TENM4: variants seen among roughly 807,000 people sequenced by gnomAD.
TENM4 encodes teneurin-4.
A neutral mutation model predicts 243.3 loss-of-function variants in TENM4; 82 were observed. That is an observed-to-expected ratio of 0.34 (90% confidence interval 0.28 to 0.40). TENM4 has a LOEUF of 0.40. Among genes scored for constraint, TENM4 ranks in the 10% least tolerant of loss-of-function variants. The pLI, the probability that TENM4 is intolerant of heterozygous loss-of-function variation, is 1.00. For missense variants in TENM4, 3,138 were observed against 3,673.3 expected, an observed-to-expected ratio of 0.85 and a Z score of 3.77; for synonymous variants, 1,412 against 1,456.3, an observed-to-expected ratio of 0.97 and a Z score of 0.69.
At chr11:78,748,844 G>T (rs942365333) in intron 19 of TENM4, among the ~76,000 whole-genome samples, 2 of 152,142 alleles carry the variant, frequency 1.3e-5, no homozygotes, top group African/African-American at 4.8e-5. Context: ...CAGACATCGG[G>T]CTTCTGGGTA....
intron 2 of TENM4, among the ~76,000 whole-genome samples, chr11:79,284,541 A>T (rs1209843950): frequency 6.6e-6 from 1 of 152,228 alleles, no homozygotes; most frequent in Non-Finnish European, 1.5e-5. Context: ...ACAAAATACA[A>T]GGATTAACTC....
chr11:79,112,783 C>G (rs1861534302), intron 4 of TENM4, among the ~76,000 whole-genome samples: 1 of 152,134 alleles, frequency 6.6e-6, no homozygotes, highest in Non-Finnish European at 1.5e-5. Flanking sequence ...CTCCAAGGAT[C>G]CCACTATGGT....
chr11:79,383,609 G>T (rs11823269), intron 1 of TENM4, among the ~76,000 whole-genome samples: 2,252 of 152,260 alleles, frequency 0.015, 51 homozygotes, highest in African/African-American at 0.051. Context: ...GCCAGGTGTG[G>T]GTGCTGGAGA....
At chr11:79,408,395 T>C (rs924275101) in intron 1 of TENM4, among the ~76,000 whole-genome samples, 1 of 152,246 alleles carries the variant, frequency 6.6e-6, no homozygotes, top group Non-Finnish European at 1.5e-5. Context: ...GCTTTAGAAT[T>C]AGACAGACTT....
chr11:78,840,115 C>T (rs1858219662), intron 12 of TENM4, among the ~76,000 whole-genome samples: 1 of 152,210 alleles, frequency 6.6e-6, no homozygotes, highest in Admixed American at 6.5e-5. Flanking sequence ...CTTCCTCCAT[C>T]ACTTAAAAGA....
chr11:78,816,183 G>A (rs1857601441), intron 12 of TENM4, among the ~76,000 whole-genome samples: 1 of 152,322 alleles, frequency 6.6e-6, no homozygotes, highest in Admixed American at 6.5e-5. Flanking sequence ...AAAGAAACTA[G>A]CCCTGGCCTT....
At chr11:79,367,893 G>T (rs527575457) in intron 1 of TENM4, among the ~76,000 whole-genome samples, 1 of 152,180 alleles carries the variant, frequency 6.6e-6, no homozygotes, top group Non-Finnish European at 1.5e-5. Context: ...TTATTTCTGA[G>T]GATCAAGAGT....
intron 29 of TENM4, among the ~76,000 whole-genome samples, chr11:78,687,798 G>A (rs1858722608): frequency 6.6e-6 from 1 of 152,140 alleles, no homozygotes; most frequent in Non-Finnish European, 1.5e-5. Flanking sequence ...AGGTCACCTG[G>A]ATTAGCAGCT....
In TENM4 at chr11:78,654,633, G is replaced by C. The variant is rs1857846533; in HGVS notation, c.*3425C>G. 1 of 152,124 alleles carries C rather than the reference G, an allele frequency of 6.6e-6. No homozygotes were observed. Among genetic ancestry groups the C allele is most frequent in the African/African-American group, 2.4e-5 (1 of 41,406 alleles). 9.4% of individuals were successfully genotyped at this position (152,124 alleles called of 1,614,324 possible). On this transcript the variant is annotated 3_prime_UTR_variant, in exon 34 of 34. Transcript: ENST00000278550. ...TCTCACCCTCAGTCAGTTTCTTAGGGATCGTTTCCAATCCTCTCTCCCTAA... is the reference window on the plus strand; with the variant it reads ...TCTCACCCTCAGTCAGTTTCTTAGGCATCGTTTCCAATCCTCTCTCCCTAA...
At chr11:79,202,244 T>C (rs2135192822) in intron 3 of TENM4, among the ~76,000 whole-genome samples, 1 of 152,328 alleles carries the variant, frequency 6.6e-6, no homozygotes, top group East Asian at 1.9e-4. Context: ...TGAGGGACTT[T>C]TCCCCTTCCA....
intron 19 of TENM4, among the ~76,000 whole-genome samples, chr11:78,743,361 C>T (rs370322906): frequency 3.2e-4 from 49 of 152,164 alleles, no homozygotes; most frequent in Admixed American, 2.6e-3. Flanking sequence ...GCATTGATCA[C>T]GGTTGATGGT....
chr11:78,940,926 T>C (rs926993743), intron 6 of TENM4, among the ~76,000 whole-genome samples: 5 of 152,188 alleles, frequency 3.3e-5, no homozygotes, highest in African/African-American at 1.2e-4. Context: ...AGCCATTCTC[T>C]GTTAAAGCCA....
chr11:78,881,582 C>A (rs1323728127), intron 9 of TENM4, among the ~76,000 whole-genome samples: 1 of 152,148 alleles, frequency 6.6e-6, no homozygotes, highest in Non-Finnish European at 1.5e-5. Flanking sequence ...TAGTACCATT[C>A]CTTGACACAC....
At chr11:78,933,114 A>C (rs983442043) in intron 6 of TENM4, among the ~76,000 whole-genome samples, 1 of 152,058 alleles carries the variant, frequency 6.6e-6, no homozygotes, top group Non-Finnish European at 1.5e-5. Flanking sequence ...ACAACCTATA[A>C]ATTTGAAGCT....
At chr11:79,432,889 G>A (rs1476607713) in intron 1 of TENM4, among the ~76,000 whole-genome samples, 1 of 152,168 alleles carries the variant, frequency 6.6e-6, no homozygotes. Context: ...TTCTAGTGGT[G>A]TGACCCTGGG....
intron 12 of TENM4, among the ~76,000 whole-genome samples, chr11:78,834,009 C>A (rs1208457656): frequency 6.6e-6 from 1 of 152,198 alleles, no homozygotes; most frequent in East Asian, 1.9e-4. Flanking sequence ...CACTTGCAAT[C>A]CGTCAGCCCA....
chr11:79,095,870 G>A (rs1861064168), intron 4 of TENM4: 1 of 152,204 alleles, frequency 6.6e-6, no homozygotes, highest in South Asian at 2.1e-4. Flanking sequence ...GCAGAGTTAG[G>A]GGTCAGCCTG....
chr11:79,175,939 G>T (rs921006945), intron 3 of TENM4, among the ~76,000 whole-genome samples: 2 of 152,014 alleles, frequency 1.3e-5, no homozygotes, highest in African/African-American at 4.8e-5. Context: ...TAAAAAATTT[G>T]CTGGGTGGCA....
At chr11:79,005,437 G>T (rs1324636707) in intron 6 of TENM4, among the ~76,000 whole-genome samples, 1 of 152,080 alleles carries the variant, frequency 6.6e-6, no homozygotes, top group Non-Finnish European at 1.5e-5. Flanking sequence ...GGAATGCAAG[G>T]TTTGTTCAAT....
Sources: gnomAD v4.1 joint callset for allele counts (sites outside exome capture counted in the v4.1 genomes callset) on GRCh38, gnomAD v4.1.1 for gene constraint, MANE v1.5 for transcripts, NCBI Gene and HGNC (gene_info 2026-07-23, HGNC 2026-07-21) for gene names.